The following ZFAT variants were observed in gnomAD, a reference collection of about 807,000 sequenced individuals.
The protein encoded by ZFAT is zinc finger and AT-hook domain containing.
A neutral mutation model predicts 117.7 loss-of-function variants in ZFAT; 64 were observed. That is an observed-to-expected ratio of 0.54 (90% CI 0.44 to 0.67). The LOEUF (loss-of-function observed/expected upper bound fraction) is 0.67, where lower values mean the gene tolerates loss of function less well. Among genes scored for constraint, ZFAT ranks in the 30% least tolerant of loss-of-function variants. The pLI, the probability that ZFAT is intolerant of heterozygous loss-of-function variation, is 0.00. For synonymous variants in ZFAT, 679 were observed against 615.0 expected (o/e 1.10, Z -1.54); for missense variants, 1,433 against 1,584.5 (o/e 0.90, Z 1.62).
chr8:134,647,453 T>C (rs1340035368), intron 2 of ZFAT, among the ~76,000 whole-genome samples: 1 of 152,170 alleles, frequency 6.6e-6, no homozygotes. Flanking sequence ...AAAGCTCTCC[T>C]CTAAGATCAG....
chr8:134,832,157 C>T, the ZFAT span, among the ~76,000 whole-genome samples: 1 of 150,158 alleles, frequency 6.7e-6, no homozygotes, highest in Non-Finnish European at 1.5e-5. Context: ...GGGCAGGGGG[C>T]GCGGCGAGAG....
the ZFAT span, among the ~76,000 whole-genome samples, chr8:134,798,731 A>G: frequency 6.6e-6 from 1 of 152,142 alleles, no homozygotes; most frequent in African/African-American, 2.4e-5. Flanking sequence ...TTAAACAAGA[A>G]GAAAAAAGGC....
chr8:134,688,365 T>G (rs1162676497), intron 1 of ZFAT, among the ~76,000 whole-genome samples: 1 of 151,916 alleles, frequency 6.6e-6, no homozygotes. Flanking sequence ...CAAATGCACA[T>G]ACAGCACACA....
chr8:134,671,253 T>C (rs1832547706), intron 1 of ZFAT, among the ~76,000 whole-genome samples: 1 of 152,338 alleles, frequency 6.6e-6, no homozygotes, highest in Non-Finnish European at 1.5e-5. Context: ...ACTCATTTTA[T>C]GAGGCCAGCA....
intron 10 of ZFAT, among the ~76,000 whole-genome samples, chr8:134,581,479 C>T (rs904080010): frequency 3.9e-5 from 6 of 152,144 alleles, no homozygotes; most frequent in African/African-American, 7.2e-5. Context: ...CTTTATTTTG[C>T]GACGTGACAA....
At chr8:134,768,022 C>G in the ZFAT span, among the ~76,000 whole-genome samples, 2 of 152,320 alleles carry the variant, frequency 1.3e-5, no homozygotes, top group Admixed American at 1.3e-4. Flanking sequence ...TATTCTCTAT[C>G]CCACATCTTT....
intron 11 of ZFAT, among the ~76,000 whole-genome samples, chr8:134,550,385 G>A (rs946915087): frequency 1.9e-4 from 27 of 144,566 alleles, no homozygotes; most frequent in African/African-American, 6.4e-4. Context: ...TATCATTTAC[G>A]AAGCACAAAC....
intron 1 of ZFAT, among the ~76,000 whole-genome samples, chr8:134,705,151 T>A (rs1168125129): frequency 1.3e-5 from 2 of 152,014 alleles, no homozygotes; most frequent in Non-Finnish European, 2.9e-5. Context: ...TATAAAGAAC[T>A]CTTACATTCC....
chr8:134,696,486 TCC>T, intron 1 of ZFAT: 1 of 985,596 alleles, frequency 1.0e-6, no homozygotes, highest in Non-Finnish European at 1.2e-6. Context: ...CTCCGCCGCT[TCC>T]CACGGAGCAT....
chr8:134,478,783 A>C lies in ZFAT; in HGVS notation c.3493-62T>G. On this transcript the variant is annotated intron_variant, in intron 15 of 15. Transcript: ENST00000377838. The surrounding 1 kb of genome is among the most constrained non-coding windows in gnomAD (Gnocchi z 5.2). The stretch of plus-strand genomic sequence containing the variant: ...CTACTTCCCGGTCCAGCGTAACAAC[A>C]AAGTCACAACTACAGTTTAGGAGGC... 6.6e-7 allele frequency: 1 copy of C among 1,517,364 alleles called. No individual in the cohort carries two copies. Among genetic ancestry groups the C allele is most frequent in the Non-Finnish European group, 8.8e-7 (1 of 1,132,106 alleles). The allele number at this position is 1,517,364 out of a possible 1,614,324, so 94.0% of individuals were successfully genotyped here.
intron 15 of ZFAT, among the ~76,000 whole-genome samples, chr8:134,494,723 T>C (rs1206418448): frequency 6.6e-6 from 1 of 152,236 alleles, no homozygotes; most frequent in Non-Finnish European, 1.5e-5. Flanking sequence ...TAAAGTGTTT[T>C]TATTTTTTGT....
At chr8:134,747,940 G>A in the ZFAT span, among the ~76,000 whole-genome samples, 1 of 152,240 alleles carries the variant, frequency 6.6e-6, no homozygotes, top group African/African-American at 2.4e-5. Flanking sequence ...TGGATAACAA[G>A]AATCAAAGCT....
intron 15 of ZFAT, among the ~76,000 whole-genome samples, chr8:134,502,121 C>T (rs1477063731): frequency 1.3e-5 from 2 of 152,066 alleles, no homozygotes; most frequent in Non-Finnish European, 2.9e-5. Flanking sequence ...CTTTCTAGAT[C>T]CCCCCTCCTC....
intron 3 of ZFAT, among the ~76,000 whole-genome samples, chr8:134,634,993 G>A (rs1830116556): frequency 6.6e-6 from 1 of 152,230 alleles, no homozygotes; most frequent in African/African-American, 2.4e-5. Flanking sequence ...TCCCTGGCAT[G>A]TGCAGTTTAC....
chr8:134,561,451 T>G (rs951194577), intron 11 of ZFAT, among the ~76,000 whole-genome samples: 3 of 152,176 alleles, frequency 2.0e-5, no homozygotes, highest in African/African-American at 7.2e-5. Context: ...AAATCTGCAT[T>G]TATAATATGA....
the ZFAT span, among the ~76,000 whole-genome samples, chr8:134,804,690 G>A: frequency 6.6e-6 from 1 of 152,162 alleles, no homozygotes; most frequent in Admixed American, 6.5e-5. Flanking sequence ...CGCTAAGTCT[G>A]GGAAGCTCGA....
At chr8:134,611,198 G>A (rs1563674383) in intron 3 of ZFAT, among the ~76,000 whole-genome samples, 1 of 152,222 alleles carries the variant, frequency 6.6e-6, no homozygotes, top group African/African-American at 2.4e-5. Context: ...ATGAGCAAGG[G>A]TCTGAGATGG....
chr8:134,633,613 A>G (rs1211112615), intron 3 of ZFAT, among the ~76,000 whole-genome samples: 1 of 152,250 alleles, frequency 6.6e-6, no homozygotes, highest in Non-Finnish European at 1.5e-5. Flanking sequence ...ACACACAGCA[A>G]AGCAGTCAAA....
In ZFAT at chr8:134,602,053, G is replaced by T. The variant is rs755223312; in HGVS notation, c.1666C>A (p.Pro556Thr). Reference protein sequence around the residue: ...RKEPEAPGEMPAPAVHLASPQ... With the variant: ...RKEPEAPGEMTAPAVHLASPQ... ...GAGGCCAGGTGCACAGCTGGGGCAG[G>T]CATTTCCCCAGGGGCCTCCGGCTCC... The change falls in exon 6 of 16, where the codon CCT becomes ACT. Residue 556 changes from proline to threonine, a missense_variant. By Grantham distance (38) the Pro-to-Thr change is conservative. Transcript: ENST00000377838. The T allele has an allele frequency of 6.2e-7, 1 of 1,611,506 alleles. No homozygotes were observed. The highest frequency in any genetic ancestry group is 8.5e-7 in the Non-Finnish European group (1 of 1,179,464).
Sources: allele counts gnomAD v4.1 joint callset (sites outside exome capture counted in the v4.1 genomes callset), GRCh38; gene constraint gnomAD v4.1.1; non-coding constraint Gnocchi (gnomAD v3.1); transcripts MANE v1.5; gene names NCBI Gene and HGNC (gene_info 2026-07-23, HGNC 2026-07-21).